ATP9B: variants seen among roughly 807,000 people sequenced by gnomAD.
ATP9B encodes the protein ATPase phospholipid transporting 9B.
In ATP9B, 110 loss-of-function variants were observed where a neutral mutation model predicts 146.1. That is an observed-to-expected ratio of 0.75 (90% CI 0.65 to 0.88). The LOEUF (loss-of-function observed/expected upper bound fraction) is 0.88. Among genes scored for constraint, ATP9B ranks in the 40% least tolerant of loss-of-function variants. The pLI is 0.00. For synonymous variants in ATP9B, 604 were observed against 569.7 expected (o/e 1.06, Z -0.86); for missense variants, 1,499 against 1,496.4 (o/e 1.00, Z -0.03).
intron 9 of ATP9B, among the ~76,000 whole-genome samples, chr18:79,198,831 A>T (rs2095440112): frequency 6.6e-6 from 1 of 152,222 alleles, no homozygotes; most frequent in Admixed American, 6.5e-5. Context: ...GTGGTGAGTG[A>T]ATGTGAAGGC....
chr18:79,231,807 C>T (rs989626306), intron 11 of ATP9B, among the ~76,000 whole-genome samples: 44 of 139,180 alleles, frequency 3.2e-4, no homozygotes, highest in African/African-American at 1.1e-3. Context: ...TATATATACA[C>T]ACACACACCA....
intron 26 of ATP9B, among the ~76,000 whole-genome samples, chr18:79,366,996 C>T (rs1486512329): frequency 2.6e-5 from 4 of 152,228 alleles, no homozygotes; most frequent in Non-Finnish European, 1.5e-5. Flanking sequence ...CCAGAGAGCA[C>T]ACAGATACCT....
chr18:79,221,466 A>G (rs2095676452), intron 11 of ATP9B, among the ~76,000 whole-genome samples: 1 of 152,254 alleles, frequency 6.6e-6, no homozygotes. Flanking sequence ...TCGTGCCTGT[A>G]ATCCCAGCAC....
intron 5 of ATP9B, among the ~76,000 whole-genome samples, chr18:79,128,052 C>CTTTTTTTTTTTT (rs1173565651): frequency 4.2e-5 from 3 of 71,686 alleles, no homozygotes; most frequent in African/African-American, 1.2e-4. Flanking sequence ...CCTTTGCCGA[C>CTTTTTTTTTTTT]TTTTTTTTTT....
At chr18:79,096,914 C>T (rs969036406) in intron 2 of ATP9B, among the ~76,000 whole-genome samples, 6 of 151,926 alleles carry the variant, frequency 3.9e-5, no homozygotes, top group Admixed American at 3.9e-4. Flanking sequence ...CCTAGCACTT[C>T]GGGAGGCTAA....
rs190302784 is a variant in ATP9B at position 79,204,935 on chromosome 18, G to A, written c.955-2002G>A. ...AATGATTTTTTTTTTCAAAGAAACA[G>A]CACTCCAGCTGTGTTGTAAACAATT... On this transcript the variant is annotated intron_variant, in intron 9 of 29. Coordinates refer to ENST00000426216, the MANE Select transcript of ATP9B (RefSeq NM_198531.5). Among the ~76,000 whole-genome samples the A allele has an allele frequency of 2.0e-4, 30 of 152,106 alleles. 1 individual carries two copies. The highest frequency in any genetic ancestry group is 6.8e-3 in the Middle Eastern group (2 of 294).
intron 5 of ATP9B, among the ~76,000 whole-genome samples, chr18:79,141,066 C>A (rs2094507944): frequency 6.6e-6 from 1 of 152,148 alleles, no homozygotes; most frequent in Non-Finnish European, 1.5e-5. Flanking sequence ...CAAATCTCAT[C>A]TTGAATTGTA....
chr18:79,355,719 A>G (rs952847153), intron 25 of ATP9B, among the ~76,000 whole-genome samples: 1 of 152,212 alleles, frequency 6.6e-6, no homozygotes, highest in Non-Finnish European at 1.5e-5. Context: ...TACTTGAAGG[A>G]ATAAAGGTGA....
intron 12 of ATP9B, among the ~76,000 whole-genome samples, chr18:79,268,027 T>C (rs1304333815): frequency 6.6e-6 from 1 of 152,170 alleles, no homozygotes; most frequent in Non-Finnish European, 1.5e-5. Context: ...GGCTTTGATA[T>C]TGGATGCATA....
At chr18:79,304,922 G>T (rs1244323123) in intron 14 of ATP9B, among the ~76,000 whole-genome samples, 1 of 152,202 alleles carries the variant, frequency 6.6e-6, no homozygotes, top group African/African-American at 2.4e-5. Flanking sequence ...TGAATATAGT[G>T]ATCCACATAA....
At position 79,140,334 on chromosome 18, in the gene ATP9B, T is replaced by G. The variant is rs180821280; in HGVS notation, c.668-3468T>G. Among the ~76,000 whole-genome samples the G allele has an allele frequency of 1.2e-3, 189 of 152,260 alleles. 1 individual carries two copies. The highest frequency in any genetic ancestry group is 5.6e-3 in the Admixed American group (86 of 15,286). ...ATAATTATCATCGAATGGAATTTTT[T>G]GGGGGGGAATTTCTTTAGTTTTTTT... On this transcript the variant is annotated intron_variant, in intron 5 of 29. Coordinates refer to ENST00000426216, the MANE Select transcript of ATP9B (RefSeq NM_198531.5).
intron 5 of ATP9B, among the ~76,000 whole-genome samples, chr18:79,138,487 T>C (rs1209337736): frequency 6.6e-6 from 1 of 152,190 alleles, no homozygotes; most frequent in Non-Finnish European, 1.5e-5. Flanking sequence ...TCCCATTTAC[T>C]TACTTAAACG....
rs57778931 is a variant in ATP9B at position 79,101,994 on chromosome 18, G to A, written c.293+5345G>A. 8.8e-3 allele frequency among the ~76,000 whole-genome samples: 1,338 copies of A among 152,064 alleles called. 20 individuals are homozygous for A. Among genetic ancestry groups the A allele is most frequent in the African/African-American group, 0.029 (1,217 of 41,484 alleles). On this transcript the variant is annotated intron_variant, in intron 2 of 29. Coordinates refer to ENST00000426216, the MANE Select transcript of ATP9B (RefSeq NM_198531.5). ...GGAGTCTCGCTCTGTCACCCAGGCT[G>A]GAGTGCAGTGGCTCGATCTTGGCTC...
In ATP9B at chr18:79,175,197, CAAAAAAAAAAAAAAA is replaced by C. The variant is rs536122117; in HGVS notation, c.779-1614_779-1600del. On this transcript the variant is annotated intron_variant, in intron 7 of 29. Transcript: ENST00000426216. ...GCCTGGCGACAGAGCGAGACTGTCTCAAAAAAAAAAAAAAAAGAAAAAAAAAAACATCAAAACTTT... is the reference window on the plus strand; with the variant it reads ...GCCTGGCGACAGAGCGAGACTGTCTCAGAAAAAAAAAAACATCAAAACTTT... Among the ~76,000 whole-genome samples, 3 of 57,448 alleles carry C rather than the reference CAAAAAAAAAAAAAAA, an allele frequency of 5.2e-5. No individual in the cohort carries two copies. The East Asian group carries it at 1.7e-3, about 33-fold the overall frequency. 37.7% of individuals were successfully genotyped at this position (57,448 alleles called of 152,430 possible).
At chr18:79,122,046 A>G (rs541998952) in intron 4 of ATP9B, among the ~76,000 whole-genome samples, 1 of 152,154 alleles carries the variant, frequency 6.6e-6, no homozygotes, top group Non-Finnish European at 1.5e-5. Context: ...AGAGTTTAAC[A>G]TATGTGTCTG....
chr18:79,195,393 A>G (rs1027629169), intron 9 of ATP9B, among the ~76,000 whole-genome samples: 2 of 152,204 alleles, frequency 1.3e-5, no homozygotes, highest in Non-Finnish European at 2.9e-5. Context: ...GATCATAGAC[A>G]TGAGAGCCAT....
At chr18:79,250,920 G>GAGA (rs2096016617) in intron 11 of ATP9B, among the ~76,000 whole-genome samples, 1 of 152,192 alleles carries the variant, frequency 6.6e-6, no homozygotes, top group African/African-American at 2.4e-5. Flanking sequence ...GGCTAGAAGG[G>GAGA]GATCTGCTGC....
At chr18:79,073,332 G>A (rs1207033477) in intron 1 of ATP9B, among the ~76,000 whole-genome samples, 2 of 152,176 alleles carry the variant, frequency 1.3e-5, no homozygotes, top group East Asian at 3.9e-4. Flanking sequence ...ACTCCAGCCT[G>A]GGCAACATTG....
chr18:79,308,703 T>A (rs2096633170), intron 15 of ATP9B, among the ~76,000 whole-genome samples: 1 of 131,784 alleles, frequency 7.6e-6, no homozygotes, highest in South Asian at 2.8e-4. Context: ...AGGTAGAAGG[T>A]CAGGGGTGGT....
Sources: allele counts gnomAD v4.1 joint callset (sites outside exome capture counted in the v4.1 genomes callset), GRCh38; gene constraint gnomAD v4.1.1; transcripts MANE v1.5; gene names NCBI Gene and HGNC (gene_info 2026-07-23, HGNC 2026-07-21).